The following C3orf49 variants were observed in gnomAD, a reference collection of about 807,000 sequenced individuals.
C3orf49 encodes putative uncharacterized protein C3orf49.
A neutral mutation model predicts 13.3 loss-of-function variants in C3orf49; 27 were observed. The observed-to-expected ratio is 2.02, with a 90% confidence interval of 1.49 to 2.79. The LOEUF is 2.79. Among genes scored for constraint, C3orf49 ranks in the 30% most tolerant of loss-of-function variants. The pLI is 0.00. For missense variants in C3orf49, 242 were observed against 134.2 expected, an observed-to-expected ratio of 1.80 and a Z score of -3.97; for synonymous variants, 87 against 47.6, an observed-to-expected ratio of 1.83 and a Z score of -3.40.
intron 1 of C3orf49, among the ~76,000 whole-genome samples, chr3:63,820,220 G>C (rs1339161210): frequency 6.6e-6 from 1 of 152,186 alleles, no homozygotes; most frequent in Non-Finnish European, 1.5e-5. Flanking sequence ...GTTCAGACAT[G>C]TAGAAGTGAG....
the C3orf49 span, among the ~76,000 whole-genome samples, chr3:63,781,069 C>A: frequency 1.5e-3 from 220 of 150,966 alleles, 1 homozygote; most frequent in South Asian, 2.8e-3. Flanking sequence ...TTGCCCATGC[C>A]TATGTCCTGA....
chr3:63,839,621 A>T, intron 5 of C3orf49: 1 of 1,558,680 alleles, frequency 6.4e-7, no homozygotes. Context: ...TCACATTAGG[A>T]CACTGGTATG....
At chr3:63,803,708 C>T in the C3orf49 span, among the ~76,000 whole-genome samples, 1 of 152,138 alleles carries the variant, frequency 6.6e-6, no homozygotes, top group Admixed American at 6.5e-5. Context: ...ATCTGGATCT[C>T]TTATAACAGC....
intron 2 of C3orf49, among the ~76,000 whole-genome samples, chr3:63,826,572 A>G (rs1056520855): frequency 1.3e-5 from 2 of 152,166 alleles, no homozygotes; most frequent in East Asian, 1.9e-4. Flanking sequence ...ACTTGCTGAC[A>G]TAAGGTCCCT....
intron 2 of C3orf49, among the ~76,000 whole-genome samples, chr3:63,823,928 G>A (rs963677080): frequency 6.6e-6 from 1 of 152,116 alleles, no homozygotes; most frequent in East Asian, 1.9e-4. Context: ...AGCCACCTGA[G>A]TAGCTCGAAC....
the C3orf49 span, among the ~76,000 whole-genome samples, chr3:63,792,550 C>T: frequency 5.9e-4 from 90 of 152,246 alleles, no homozygotes; most frequent in African/African-American, 1.9e-3. Context: ...TTTAAGATGA[C>T]GTTAGGGTAG....
the C3orf49 span, among the ~76,000 whole-genome samples, chr3:63,794,172 T>TACACACACACACACACAC: frequency 2.0e-3 from 281 of 142,692 alleles, 2 homozygotes; most frequent in African/African-American, 5.9e-3. Flanking sequence ...TACACACACA[T>TACACACACACACACACAC]ACACACACAC....
intron 2 of C3orf49, among the ~76,000 whole-genome samples, chr3:63,824,769 G>A (rs1259540934): frequency 6.7e-6 from 1 of 150,330 alleles, no homozygotes; most frequent in Non-Finnish European, 1.5e-5. Context: ...TCTGGGAGTC[G>A]GAGATTGCAG....
At chr3:63,816,939 A>AT (rs916134428), upstream of C3orf49, among the ~76,000 whole-genome samples, 10 of 151,396 alleles carry the variant, frequency 6.6e-5, no homozygotes, top group East Asian at 1.4e-3. Flanking sequence ...CGCCCGGCTA[A>AT]TTTTTTTGTA....
the C3orf49 span, among the ~76,000 whole-genome samples, chr3:63,780,337 G>A: frequency 2.0e-5 from 3 of 152,174 alleles, no homozygotes; most frequent in South Asian, 4.1e-4. Context: ...TTTTATGGCT[G>A]CATAGTATTC....
chr3:63,818,790 G>A (rs745894341), upstream of C3orf49, among the ~76,000 whole-genome samples: 10 of 152,174 alleles, frequency 6.6e-5, no homozygotes, highest in Non-Finnish European at 1.5e-4. Context: ...AATAAATGGG[G>A]CAATGTTGGA....
the C3orf49 span, among the ~76,000 whole-genome samples, chr3:63,798,834 C>A: frequency 6.6e-6 from 1 of 152,240 alleles, no homozygotes; most frequent in African/African-American, 2.4e-5. Flanking sequence ...CCAAATATGG[C>A]CCAGGAACAA....
intron 5 of C3orf49, among the ~76,000 whole-genome samples, chr3:63,836,610 G>T (rs561041272): frequency 1.3e-5 from 2 of 151,898 alleles, no homozygotes; most frequent in Non-Finnish European, 2.9e-5. Context: ...CAGAACGTAA[G>T]AGGTCAGCAT....
At position 63,823,465 on chromosome 3, in the gene C3orf49, A is replaced by T. The variant is rs1559598555; in HGVS notation, c.341A>T (p.Lys114Ile). The T allele has an allele frequency of 1.4e-6, 1 of 703,216 alleles. No individual in the cohort carries two copies. The highest frequency in any genetic ancestry group is 2.6e-6 in the Non-Finnish European group (1 of 385,072). The allele number at this position is 703,216 out of a possible 1,614,324, so 43.6% of individuals were successfully genotyped here. The change falls in exon 2 of 7, where the codon AAA (lysine) becomes ATA (isoleucine). Residue 114 changes from lysine (K) to isoleucine (I), a missense_variant. Coordinates refer to ENST00000295896, the MANE Select transcript of C3orf49 (RefSeq NM_001355236.2). ...AGCCAAGAGGGCTCCACTGACCATA[A>T]AGAAGCCCTCCTGTCAAACACGCAG... ...CASQEGSTDH[K>I]EALLSNTQSL...
At chr3:63,810,831 T>G in the C3orf49 span, among the ~76,000 whole-genome samples, 99 of 152,304 alleles carry the variant, frequency 6.5e-4, no homozygotes, top group African/African-American at 2.2e-3. Context: ...TCCGAGAATA[T>G]CAACCCATCC....
chr3:63,785,986 T>C, the C3orf49 span: 2 of 152,188 alleles, frequency 1.3e-5, no homozygotes, highest in Non-Finnish European at 2.9e-5. Context: ...CCTTCTAGAT[T>C]CACTTTCAAA....
At chr3:63,784,713 C>G in the C3orf49 span, 1 of 152,034 alleles carries the variant, frequency 6.6e-6, no homozygotes, top group East Asian at 1.9e-4. Flanking sequence ...AAAAATTAAC[C>G]GGGCGTGTGA....
At position 63,827,733 on chromosome 3, in the gene C3orf49, G is replaced by C. The variant is rs371293397; in HGVS notation, c.570+8G>C. The C allele has an allele frequency of 1.4e-6, 1 of 701,134 alleles. No individual in the cohort carries two copies. Among genetic ancestry groups the C allele is most frequent in the Non-Finnish European group, 2.6e-6 (1 of 384,548 alleles). 43.4% of individuals were successfully genotyped at this position (701,134 alleles called of 1,614,324 possible). A position where few individuals can be genotyped will look rare whatever the true frequency, so the allele number is the denominator to read the frequency against. ...CCTTCAGGACTGCAAAAGGTAAAAC[G>C]CTAAATGAATTTGCCTCTGAAGACT... is the stretch of plus-strand genomic sequence containing the variant. On this transcript the variant is annotated splice_region_variant and intron_variant, in intron 3 of 6. Transcript: ENST00000295896.
chr3:63,817,940 G>C (rs1701343859), upstream of C3orf49, among the ~76,000 whole-genome samples: 1 of 152,070 alleles, frequency 6.6e-6, no homozygotes, highest in African/African-American at 2.4e-5. Context: ...GAAAAATATT[G>C]CCCTGTTGCT....
Sources: allele counts gnomAD v4.1 joint callset (sites outside exome capture counted in the v4.1 genomes callset), GRCh38; gene constraint gnomAD v4.1.1; transcripts MANE v1.5; gene names NCBI Gene and HGNC (gene_info 2026-07-23, HGNC 2026-07-21).